The following EBF1 variants were observed in gnomAD, a reference collection of about 807,000 sequenced individuals.
EBF1 encodes transcription factor COE1.
In EBF1, 10 loss-of-function variants were observed where a neutral mutation model predicts 68.4. The ratio of observed to expected loss-of-function variants is 0.15; its 90% CI spans 0.09 to 0.25. The LOEUF is 0.25. EBF1 is among the 10% of genes least tolerant of loss of function. The pLI, the probability that EBF1 is intolerant of heterozygous loss-of-function variation, is 1.00. For missense variants in EBF1, 509 were observed against 794.4 expected (o/e 0.64, Z 4.32); for synonymous variants, 298 against 299.8 (o/e 0.99, Z 0.06).
intron 6 of EBF1, among the ~76,000 whole-genome samples, chr5:158,877,477 C>A (rs1287701480): frequency 1.3e-5 from 2 of 152,170 alleles, no homozygotes; most frequent in Non-Finnish European, 2.9e-5. Context: ...GTTTGATTTT[C>A]TTCATCATGA....
chr5:159,004,121 A>G (rs375454007), intron 6 of EBF1, among the ~76,000 whole-genome samples: 3 of 152,142 alleles, frequency 2.0e-5, no homozygotes, highest in South Asian at 4.1e-4. Flanking sequence ...TACTAAAAAT[A>G]CAAAAATTAG....
At chr5:159,006,153 C>T (rs964854917) in intron 6 of EBF1, among the ~76,000 whole-genome samples, 10 of 152,158 alleles carry the variant, frequency 6.6e-5, no homozygotes, top group African/African-American at 1.4e-4. Flanking sequence ...CCACTTAAAA[C>T]GCAGACCTTC....
At position 158,793,573 on chromosome 5, in the gene EBF1, A is replaced by G. The variant is rs139045650; in HGVS notation, c.909+2772T>C. Among the ~76,000 whole-genome samples, 278 of 152,064 alleles carry G rather than the reference A, an allele frequency of 1.8e-3. 1 individual carries two copies. Among genetic ancestry groups the G allele is most frequent in the Middle Eastern group, 3.4e-3 (1 of 294 alleles). On this transcript the variant is annotated intron_variant, in intron 9 of 15. Coordinates refer to ENST00000313708, the MANE Select transcript of EBF1 (RefSeq NM_024007.5). ...ATTAACTAGGACTTTTCCTTCCTTT[A>G]TAAAAAAAATATGGTATAGTTCAAA...
At chr5:158,709,207 T>TATTA (rs1344069919) in intron 14 of EBF1, among the ~76,000 whole-genome samples, 1 of 152,262 alleles carries the variant, frequency 6.6e-6, no homozygotes, top group Non-Finnish European at 1.5e-5. Context: ...TCTTCTATGT[T>TATTA]ATTATTTTTT....
intron 6 of EBF1, among the ~76,000 whole-genome samples, chr5:158,915,306 C>T (rs948437397): frequency 2.6e-5 from 4 of 152,138 alleles, no homozygotes; most frequent in African/African-American, 9.7e-5. Context: ...TTTAGAAATG[C>T]CAGGGCAAAG....
chr5:159,091,163 T>C (rs1036051346), intron 4 of EBF1, among the ~76,000 whole-genome samples: 2 of 152,212 alleles, frequency 1.3e-5, no homozygotes, highest in African/African-American at 4.8e-5. Context: ...TGTTCAAACA[T>C]TCACATGGAA....
At chr5:158,932,257 C>T (rs963709706) in intron 6 of EBF1, among the ~76,000 whole-genome samples, 5 of 152,090 alleles carry the variant, frequency 3.3e-5, no homozygotes, top group Admixed American at 1.3e-4. Context: ...CTAACAATTG[C>T]AGATTGGTTA....
chr5:158,899,023 T>C (rs995527934), intron 6 of EBF1, among the ~76,000 whole-genome samples: 2 of 152,218 alleles, frequency 1.3e-5, no homozygotes, highest in African/African-American at 4.8e-5. Context: ...AGCCCAAGAC[T>C]GTAGACACAC....
At chr5:158,864,314 A>C (rs903683520) in intron 6 of EBF1, among the ~76,000 whole-genome samples, 1 of 151,908 alleles carries the variant, frequency 6.6e-6, no homozygotes, top group Non-Finnish European at 1.5e-5. Context: ...GAGATCTGAC[A>C]CTGGATTTAC....
At chr5:158,706,645 CCT>C (rs1323884870) in intron 15 of EBF1, among the ~76,000 whole-genome samples, 7 of 152,190 alleles carry the variant, frequency 4.6e-5, no homozygotes, top group Non-Finnish European at 1.0e-4. Flanking sequence ...CTCACCCCTC[CCT>C]GACTTCCAGG....
At chr5:158,812,559 C>A (rs182267813) in intron 8 of EBF1, among the ~76,000 whole-genome samples, 134 of 152,228 alleles carry the variant, frequency 8.8e-4, no homozygotes, top group Non-Finnish European at 1.5e-3. Flanking sequence ...CAGAGCCACC[C>A]CCTTCCGGAG....
At chr5:158,955,783 G>A (rs748807501) in intron 6 of EBF1, among the ~76,000 whole-genome samples, 2 of 152,114 alleles carry the variant, frequency 1.3e-5, no homozygotes, top group African/African-American at 4.8e-5. Context: ...CCGAAACTCA[G>A]ATCAACCCTC....
chr5:158,826,130 C>G (rs2127881544), intron 7 of EBF1, among the ~76,000 whole-genome samples: 1 of 152,270 alleles, frequency 6.6e-6, no homozygotes, highest in East Asian at 1.9e-4. Context: ...AAATTTGAGA[C>G]AGATAAACAT....
intron 10 of EBF1, among the ~76,000 whole-genome samples, chr5:158,763,023 G>A (rs1771829732): frequency 6.6e-6 from 1 of 152,074 alleles, no homozygotes; most frequent in Non-Finnish European, 1.5e-5. Context: ...TCTCAAACAG[G>A]TTTTAATCTT....
chr5:158,762,888 A>T (rs898840413), intron 10 of EBF1, among the ~76,000 whole-genome samples: 1 of 151,830 alleles, frequency 6.6e-6, no homozygotes, highest in African/African-American at 2.4e-5. Flanking sequence ...TACCCTCCTC[A>T]CCTCTAACCG....
At chr5:158,778,419 C>G (rs1422589846) in intron 9 of EBF1, among the ~76,000 whole-genome samples, 2 of 152,134 alleles carry the variant, frequency 1.3e-5, no homozygotes, top group East Asian at 3.9e-4. Context: ...CTGCAATTGT[C>G]TACTCTTTGA....
chr5:158,793,997 G>A (rs1779172269), intron 9 of EBF1, among the ~76,000 whole-genome samples: 1 of 152,186 alleles, frequency 6.6e-6, no homozygotes, highest in African/African-American at 2.4e-5. Flanking sequence ...CCAATTTAAA[G>A]TCCTACATCC....
chr5:158,798,266 G>A (rs913908735), intron 8 of EBF1, among the ~76,000 whole-genome samples: 2 of 152,194 alleles, frequency 1.3e-5, no homozygotes, highest in South Asian at 4.1e-4. Flanking sequence ...TGGTTTAACT[G>A]AATTGGTCTT....
chr5:158,800,008 A>T (rs2127756837), intron 8 of EBF1, among the ~76,000 whole-genome samples: 1 of 152,288 alleles, frequency 6.6e-6, no homozygotes, highest in African/African-American at 2.4e-5. Flanking sequence ...AAGACCTGGA[A>T]ATACTTGCAA....
Sources: gnomAD v4.1 joint callset for allele counts (sites outside exome capture counted in the v4.1 genomes callset) on GRCh38, gnomAD v4.1.1 for gene constraint, MANE v1.5 for transcripts, NCBI Gene and HGNC (gene_info 2026-07-23, HGNC 2026-07-21) for gene names.